The following DLG2 variants were observed in gnomAD, a reference collection of about 807,000 sequenced individuals.
DLG2 encodes disks large homolog 2.
In DLG2, 45 loss-of-function variants were observed where a neutral mutation model predicts 132.5. That is an observed-to-expected ratio of 0.34 (90% CI 0.27 to 0.44). The LOEUF (loss-of-function observed/expected upper bound fraction) is 0.44, where lower values mean the gene tolerates loss of function less well. Among genes scored for constraint, DLG2 ranks in the 20% least tolerant of loss-of-function variants. DLG2 has a pLI of 1.00. For missense variants in DLG2, 1,045 were observed against 1,196.9 expected (o/e 0.87, Z 1.87); for synonymous variants, 424 against 419.6 (o/e 1.01, Z -0.13).
At chr11:84,115,426 G>A (rs760202699) in intron 9 of DLG2, among the ~76,000 whole-genome samples, 2 of 152,098 alleles carry the variant, frequency 1.3e-5, no homozygotes, top group Non-Finnish European at 2.9e-5. Context: ...CCCCTTAGGA[G>A]TATATTTGCT....
At chr11:83,887,900 C>A (rs556221531) in intron 15 of DLG2, among the ~76,000 whole-genome samples, 1 of 150,162 alleles carries the variant, frequency 6.7e-6, no homozygotes, top group East Asian at 1.9e-4. Context: ...AATTCAACAA[C>A]GCTTCATGCT....
intron 5 of DLG2, among the ~76,000 whole-genome samples, chr11:85,122,815 A>C (rs556876204): frequency 2.6e-4 from 39 of 150,580 alleles, no homozygotes; most frequent in Non-Finnish European, 4.9e-4. Context: ...TGTGATATAC[A>C]TGCAAATTAT....
chr11:85,299,545 T>G (rs1259224216), intron 3 of DLG2, among the ~76,000 whole-genome samples: 1 of 152,198 alleles, frequency 6.6e-6, no homozygotes, highest in Non-Finnish European at 1.5e-5. Context: ...TGCATTTATC[T>G]TGTGATTCTT....
chr11:85,514,197 T>G (rs989820750), intron 3 of DLG2, among the ~76,000 whole-genome samples: 10 of 152,008 alleles, frequency 6.6e-5, no homozygotes, highest in Non-Finnish European at 1.2e-4. Context: ...AACACTGTCT[T>G]TAATCCTCAC....
chr11:85,129,518 GT>G (rs1399873418), intron 5 of DLG2, among the ~76,000 whole-genome samples: 2 of 152,104 alleles, frequency 1.3e-5, no homozygotes, highest in Non-Finnish European at 2.9e-5. Flanking sequence ...TCTCATTGTG[GT>G]TTTGATTTGC....
At position 84,169,832 on chromosome 11, in the gene DLG2, C is replaced by T. The variant is rs529954172; in HGVS notation, c.574-6321G>A. On this transcript the variant is annotated intron_variant, in intron 8 of 27. Transcript: ENST00000376104. ...AGGTTACAGTGAGCCGAGTTCACAT[C>T]GCTGCACTTCAGCCTGGGCAACAGA... 1.2e-3 allele frequency among the ~76,000 whole-genome samples: 185 copies of T among 151,144 alleles called. 1 individual carries two copies. Among genetic ancestry groups the T allele is most frequent in the African/African-American group, 4.1e-3 (170 of 41,078 alleles).
chr11:84,788,848 C>T (rs1217612345), intron 6 of DLG2, among the ~76,000 whole-genome samples: 1 of 152,054 alleles, frequency 6.6e-6, no homozygotes, highest in Admixed American at 6.6e-5. Flanking sequence ...CAGATTTGAT[C>T]CTCCAGGGTT....
At position 84,087,191 on chromosome 11, in the gene DLG2, G is replaced by A. The variant is rs190553104; in HGVS notation, c.749+11732C>T. On this transcript the variant is annotated intron_variant, in intron 10 of 27. Transcript: ENST00000376104. Reference sequence around the variant, plus strand: ...TATGCTAGGAGTAGAATGACTGGTCGTGTGGCAATTCTATTTTTAGCTGTT... The same window carrying A: ...TATGCTAGGAGTAGAATGACTGGTCATGTGGCAATTCTATTTTTAGCTGTT... 1.1e-3 allele frequency among the ~76,000 whole-genome samples: 169 copies of A among 152,256 alleles called. 1 individual carries two copies. The South Asian group carries it at 0.023, about 21-fold the overall frequency.
intron 16 of DLG2, among the ~76,000 whole-genome samples, chr11:83,868,987 T>G (rs1247195258): frequency 1.3e-5 from 2 of 152,170 alleles, no homozygotes; most frequent in Non-Finnish European, 2.9e-5. Context: ...TTACGCTCCA[T>G]AACTAGGAAT....
intron 9 of DLG2, among the ~76,000 whole-genome samples, chr11:84,160,555 G>T (rs575510756): frequency 2.0e-5 from 3 of 152,212 alleles, no homozygotes; most frequent in South Asian, 2.1e-4. Context: ...TAGATTTTTG[G>T]TAAAGCAAAA....
At chr11:84,536,362 C>T (rs540778588) in intron 6 of DLG2, among the ~76,000 whole-genome samples, 1 of 152,046 alleles carries the variant, frequency 6.6e-6, no homozygotes, top group South Asian at 2.1e-4. Flanking sequence ...CTCTCCTCTA[C>T]CCCATAAAGA....
intron 18 of DLG2, among the ~76,000 whole-genome samples, chr11:83,739,892 G>A (rs987104760): frequency 2.0e-5 from 3 of 152,116 alleles, no homozygotes; most frequent in African/African-American, 4.8e-5. Context: ...TAGGCTTGAC[G>A]ACACTTGGTA....
At chr11:85,407,497 G>C (rs1309075298) in intron 3 of DLG2, among the ~76,000 whole-genome samples, 1 of 151,850 alleles carries the variant, frequency 6.6e-6, no homozygotes, top group Non-Finnish European at 1.5e-5. Context: ...AACAACTGCT[G>C]TGTGTCAGAC....
intron 18 of DLG2, among the ~76,000 whole-genome samples, chr11:83,655,080 C>A (rs1271777641): frequency 6.6e-6 from 1 of 152,228 alleles, no homozygotes; most frequent in Non-Finnish European, 1.5e-5. Flanking sequence ...TGCTCCCACA[C>A]ATCCATCCAG....
chr11:84,034,656 G>A (rs2095811623), intron 11 of DLG2, among the ~76,000 whole-genome samples: 2 of 152,168 alleles, frequency 1.3e-5, no homozygotes, highest in African/African-American at 4.8e-5. Flanking sequence ...AGGCTGAAAT[G>A]CAGGAACAGA....
At chr11:84,778,599 G>A (rs2071124710) in intron 6 of DLG2, among the ~76,000 whole-genome samples, 1 of 152,030 alleles carries the variant, frequency 6.6e-6, no homozygotes, top group Non-Finnish European at 1.5e-5. Context: ...TTTTTTATTT[G>A]TGTTATCTAC....
intron 15 of DLG2, among the ~76,000 whole-genome samples, chr11:83,899,910 G>C (rs1473345821): frequency 6.6e-6 from 1 of 152,212 alleles, no homozygotes; most frequent in African/African-American, 2.4e-5. Flanking sequence ...GGAAATGTGG[G>C]AAAGTTTGGA....
chr11:85,570,577 C>T (rs2077790014), intron 3 of DLG2, among the ~76,000 whole-genome samples: 2 of 144,438 alleles, frequency 1.4e-5, no homozygotes, highest in South Asian at 2.2e-4. Context: ...GTTTACTCTA[C>T]TTGGGGTATA....
chr11:85,508,662 G>T (rs2093989725), intron 3 of DLG2, among the ~76,000 whole-genome samples: 1 of 151,986 alleles, frequency 6.6e-6, no homozygotes, highest in South Asian at 2.1e-4. Context: ...GCACCCAATA[G>T]TTATTAAATG....
Sources: allele counts gnomAD v4.1 joint callset (sites outside exome capture counted in the v4.1 genomes callset), GRCh38; gene constraint gnomAD v4.1.1; transcripts MANE v1.5; gene names NCBI Gene and HGNC (gene_info 2026-07-23, HGNC 2026-07-21).